CPNE4: variants seen among roughly 807,000 people sequenced by gnomAD.
The protein encoded by CPNE4 is copine 4, also known as copine-4.
CPNE4 carries 25 observed loss-of-function variants against 67.9 expected under a neutral mutation model. The observed-to-expected ratio is 0.37, with a 90% CI of 0.27 to 0.51. The LOEUF (loss-of-function observed/expected upper bound fraction) is 0.51. Ranked by LOEUF, CPNE4 falls within the 20% of genes least tolerant of loss-of-function variation. The pLI is 0.93. For synonymous variants in CPNE4, 242 were observed against 244.9 expected, an observed-to-expected ratio of 0.99 and a Z score of 0.11; for missense variants, 464 against 690.8, an observed-to-expected ratio of 0.67 and a Z score of 3.68.
chr3:131,672,298 C>T, intron 6 of CPNE4, among the ~76,000 whole-genome samples: 1 of 152,080 alleles, frequency 6.6e-6, no homozygotes, highest in Non-Finnish European at 1.5e-5. Context: ...TATGGGAGGG[C>T]AGATATCTCC....
At chr3:131,767,437 A>G (rs1320565570) in intron 2 of CPNE4, among the ~76,000 whole-genome samples, 1 of 152,146 alleles carries the variant, frequency 6.6e-6, no homozygotes, top group Non-Finnish European at 1.5e-5. Context: ...GCAGGACTCA[A>G]TAAAGAAGGG....
At chr3:131,580,381 T>C (rs1467912598) in intron 9 of CPNE4, among the ~76,000 whole-genome samples, 8 of 145,644 alleles carry the variant, frequency 5.5e-5, no homozygotes, top group Admixed American at 5.4e-4. Flanking sequence ...ATCCCTGACA[T>C]TGGCCTCTAT....
chr3:131,583,146 C>G (rs1402618194), intron 8 of CPNE4, among the ~76,000 whole-genome samples: 1 of 152,132 alleles, frequency 6.6e-6, no homozygotes, highest in Non-Finnish European at 1.5e-5. Context: ...AGAAAACATT[C>G]AAAGCAGAAT....
intron 3 of CPNE4, among the ~76,000 whole-genome samples, chr3:131,709,500 G>C (rs1583058116): frequency 6.6e-6 from 1 of 152,322 alleles, no homozygotes; most frequent in East Asian, 1.9e-4. Context: ...TGCAGATGTT[G>C]TTTCTCAGCA....
chr3:131,971,949 G>C (rs1008678800), intron 1 of CPNE4, among the ~76,000 whole-genome samples: 3 of 152,152 alleles, frequency 2.0e-5, no homozygotes, highest in Non-Finnish European at 2.9e-5. Flanking sequence ...ATTTAGCTCA[G>C]TGTCTGGCAC....
chr3:131,650,219 C>G (rs1163518433), intron 7 of CPNE4, among the ~76,000 whole-genome samples: 2 of 152,182 alleles, frequency 1.3e-5, no homozygotes, highest in East Asian at 3.8e-4. Context: ...TTCACCTCTT[C>G]CATACAACCA....
chr3:131,750,854 A>G (rs570231461), intron 2 of CPNE4, among the ~76,000 whole-genome samples: 43 of 151,378 alleles, frequency 2.8e-4, no homozygotes, highest in Non-Finnish European at 5.3e-4. Flanking sequence ...ATTTTTTTTT[A>G]GTTTTCTCTC....
At chr3:131,551,161 T>G (rs1445178762) in intron 13 of CPNE4, among the ~76,000 whole-genome samples, 4 of 152,088 alleles carry the variant, frequency 2.6e-5, no homozygotes, top group African/African-American at 9.7e-5. Flanking sequence ...CACTGCAAAA[T>G]AGCTCTTGGG....
intron 5 of CPNE4, among the ~76,000 whole-genome samples, chr3:131,692,845 C>T (rs2081062988): frequency 6.6e-6 from 1 of 152,122 alleles, no homozygotes; most frequent in African/African-American, 2.4e-5. Context: ...AGTTCCAATG[C>T]ACCAATATGA....
At chr3:131,587,673 G>A in intron 7 of CPNE4, 91 bp from the exon 8 acceptor site, 1 of 919,546 alleles carries the variant, frequency 1.1e-6, no homozygotes, top group Non-Finnish European at 1.7e-6. Context: ...AAGAGTAGAT[G>A]AAAGATGTTT....
chr3:131,841,730 T>C, intron 2 of CPNE4, among the ~76,000 whole-genome samples: 1 of 152,230 alleles, frequency 6.6e-6, no homozygotes, highest in East Asian at 1.9e-4. Context: ...AACATGGAGA[T>C]GGACCACCCA....
intron 2 of CPNE4, among the ~76,000 whole-genome samples, chr3:131,829,666 C>G (rs926647351): frequency 6.6e-6 from 1 of 152,184 alleles, no homozygotes; most frequent in South Asian, 2.1e-4. Context: ...GGAGCAAAGA[C>G]CCCAGTGGGA....
At chr3:131,708,600 T>C (rs80044805) in intron 3 of CPNE4, among the ~76,000 whole-genome samples, 20,771 of 151,932 alleles carry the variant, frequency 0.14, 1,637 homozygotes, top group African/African-American at 0.2. Context: ...TGAATAAACC[T>C]TCTGATGGGA....
chr3:131,948,361 G>A (rs1304319961), intron 1 of CPNE4, among the ~76,000 whole-genome samples: 1 of 152,168 alleles, frequency 6.6e-6, no homozygotes, highest in Non-Finnish European at 1.5e-5. Flanking sequence ...GCCATCCTGT[G>A]AAGAAGGTGT....
intron 2 of CPNE4, among the ~76,000 whole-genome samples, chr3:131,728,734 C>A (rs1462640249): frequency 6.6e-6 from 1 of 151,736 alleles, no homozygotes; most frequent in Non-Finnish European, 1.5e-5. Flanking sequence ...CATGGTGAAA[C>A]CCCGTCTCTA....
Position 131,929,146 on chromosome 3 carries a change from TCTC to T in CPNE4, c.-1-23705_-1-23703del, listed in dbSNP as rs930987900. 2.7e-5 allele frequency among the ~76,000 whole-genome samples: 4 copies of T among 148,936 alleles called. No individual in the cohort carries two copies. In the East Asian group the frequency reaches 6.0e-4, roughly 22 times the overall value. On this transcript the variant is annotated intron_variant, in intron 1 of 15. Transcript: ENST00000429747. ...TTAAATTTTATGTATCCTGTCATCT[TCTC>T]CTCTTCTCCTTTCTTCATCAATCAT...
At chr3:131,975,899 TAAAC>T (rs1476938363) in intron 1 of CPNE4, among the ~76,000 whole-genome samples, 1 of 152,052 alleles carries the variant, frequency 6.6e-6, no homozygotes, top group African/African-American at 2.4e-5. Flanking sequence ...AACAGTGAAA[TAAAC>T]AAACATAATA....
intron 10 of CPNE4, among the ~76,000 whole-genome samples, chr3:131,570,697 GGACT>G (rs1937293466): frequency 6.6e-6 from 1 of 152,024 alleles, no homozygotes; most frequent in African/African-American, 2.4e-5. Context: ...TGAGGTACAA[GGACT>G]GTCTTCAGGA....
chr3:131,749,449 CATA>C (rs1489891332), intron 2 of CPNE4, among the ~76,000 whole-genome samples: 3 of 150,652 alleles, frequency 2.0e-5, no homozygotes, highest in African/African-American at 7.5e-5. Context: ...TGAAGTGCTC[CATA>C]ACTTAATAAG....
Sources: gnomAD v4.1 joint callset for allele counts (sites outside exome capture counted in the v4.1 genomes callset) on GRCh38, gnomAD v4.1.1 for gene constraint, MANE v1.5 for transcripts, NCBI Gene and HGNC (gene_info 2026-07-23, HGNC 2026-07-21) for gene names.